Variants in RANBP2 observed in about 807,000 individuals in gnomAD.
RANBP2 encodes E3 SUMO-protein ligase RanBP2.
A neutral mutation model predicts 303.6 loss-of-function variants in RANBP2; 57 were observed. The ratio of observed to expected loss-of-function variants is 0.19; its 90% CI spans 0.15 to 0.23. The LOEUF (loss-of-function observed/expected upper bound fraction) is 0.23. Among genes scored for constraint, RANBP2 ranks in the 10% least tolerant of loss-of-function variants. The pLI, the probability that RANBP2 is intolerant of heterozygous loss-of-function variation, is 1.00. For missense variants in RANBP2, 3,138 were observed against 3,780.8 expected (o/e 0.83, Z 4.46); for synonymous variants, 1,167 against 1,301.5 (o/e 0.90, Z 2.23).
chr2:109,435,518 T>C, the RANBP2 span, among the ~76,000 whole-genome samples: 3 of 152,222 alleles, frequency 2.0e-5, no homozygotes, highest in African/African-American at 7.2e-5. Flanking sequence ...GGGAGTATAG[T>C]GCTCAGAGCT....
At chr2:109,473,397 G>A in the RANBP2 span, among the ~76,000 whole-genome samples, 1 of 152,114 alleles carries the variant, frequency 6.6e-6, no homozygotes. Flanking sequence ...GCCCCCATCA[G>A]CATTTGGCAC....
the RANBP2 span, among the ~76,000 whole-genome samples, chr2:109,470,162 G>A: frequency 2.0e-5 from 3 of 152,108 alleles, no homozygotes; most frequent in East Asian, 5.8e-4. Context: ...TGGCTGGGGT[G>A]GCCCTGTCTC....
At chr2:109,127,686 A>T in the RANBP2 span, 1 of 152,202 alleles carries the variant, frequency 6.6e-6, no homozygotes, top group African/African-American at 2.4e-5. Flanking sequence ...CGCTACAAAA[A>T]ATTTAAATTA....
chr2:109,231,565 C>T, the RANBP2 span, among the ~76,000 whole-genome samples: 1 of 152,172 alleles, frequency 6.6e-6, no homozygotes, highest in Non-Finnish European at 1.5e-5. Context: ...TGCTGTATTT[C>T]TTTATTCCAT....
At chr2:109,336,372 TAGAAC>T in the RANBP2 span, among the ~76,000 whole-genome samples, 3 of 152,200 alleles carry the variant, frequency 2.0e-5, no homozygotes, top group Non-Finnish European at 4.4e-5. Flanking sequence ...TTCTCACAGA[TAGAAC>T]AGAAAATAAC....
chr2:108,790,790 GC>G (rs1679782562), downstream of RANBP2, among the ~76,000 whole-genome samples: 1 of 152,150 alleles, frequency 6.6e-6, no homozygotes, highest in Non-Finnish European at 1.5e-5. Flanking sequence ...CGAGCCTGTT[GC>G]CCAGGCTGTG....
chr2:109,588,461 T>C, the RANBP2 span, among the ~76,000 whole-genome samples: 37 of 152,242 alleles, frequency 2.4e-4, no homozygotes, highest in Non-Finnish European at 4.3e-4. Context: ...GGAATATTGT[T>C]ATAAGGTTTC....
At chr2:109,008,191 T>C in the RANBP2 span, among the ~76,000 whole-genome samples, 124 of 152,192 alleles carry the variant, frequency 8.1e-4, no homozygotes, top group Non-Finnish European at 2.1e-4. Context: ...TCCTGTGTTA[T>C]AGTTACCTAT....
the RANBP2 span, among the ~76,000 whole-genome samples, chr2:109,046,643 G>A: frequency 6.6e-6 from 1 of 152,032 alleles, no homozygotes; most frequent in African/African-American, 2.4e-5. Flanking sequence ...GCCTCCCAAA[G>A]TGCTGGGATT....
At chr2:109,169,345 C>G in the RANBP2 span, among the ~76,000 whole-genome samples, 1 of 47,960 alleles carries the variant, frequency 2.1e-5, no homozygotes, top group Non-Finnish European at 4.6e-5. Context: ...AATTTCTGAG[C>G]CCACCAAGTT....
the RANBP2 span, among the ~76,000 whole-genome samples, chr2:109,389,651 T>G: frequency 6.6e-6 from 1 of 152,352 alleles, no homozygotes; most frequent in Non-Finnish European, 1.5e-5. Context: ...TTACTGAAAT[T>G]TTAACTTGTT....
chr2:109,431,662 A>G, the RANBP2 span, among the ~76,000 whole-genome samples: 1 of 152,208 alleles, frequency 6.6e-6, no homozygotes, highest in Non-Finnish European at 1.5e-5. Context: ...GCTTGAGACT[A>G]GGAGCTCAAG....
the RANBP2 span, among the ~76,000 whole-genome samples, chr2:108,827,239 T>C: frequency 6.6e-6 from 1 of 152,196 alleles, no homozygotes; most frequent in African/African-American, 2.4e-5. Context: ...CAAAAAATTA[T>C]TAGAACTCAT....
chr2:109,625,087 C>CAAAAAA, the RANBP2 span, among the ~76,000 whole-genome samples: 397 of 59,200 alleles, frequency 6.7e-3, no homozygotes, highest in Admixed American at 8.3e-3. Flanking sequence ...ACAACAACAA[C>CAAAAAA]AAAAAAAAAA....
the RANBP2 span, among the ~76,000 whole-genome samples, chr2:109,655,901 T>A: frequency 6.6e-6 from 1 of 152,330 alleles, no homozygotes; most frequent in African/African-American, 2.4e-5. Flanking sequence ...ATTATCAATC[T>A]GGCCCTGGGC....
At chr2:109,034,270 C>CAAAAAAAAAAAA in the RANBP2 span, among the ~76,000 whole-genome samples, 1 of 38,094 alleles carries the variant, frequency 2.6e-5, no homozygotes. Context: ...GACTCCATCT[C>CAAAAAAAAAAAA]AAAAAAAAAA....
At chr2:109,440,254 G>A in the RANBP2 span, among the ~76,000 whole-genome samples, 1 of 152,218 alleles carries the variant, frequency 6.6e-6, no homozygotes, top group African/African-American at 2.4e-5. Flanking sequence ...TCAGCATGCA[G>A]CAGTAGGAGA....
chr2:109,645,376 C>T, the RANBP2 span, among the ~76,000 whole-genome samples: 1 of 152,190 alleles, frequency 6.6e-6, no homozygotes, highest in African/African-American at 2.4e-5. Flanking sequence ...TGGCCAAATC[C>T]CTGATGAGAG....
At chr2:108,740,451 T>G (rs1018886885) in intron 6 of RANBP2, 38 bp from the exon 7 acceptor site, 2 of 1,597,140 alleles carry the variant, frequency 1.3e-6, no homozygotes, top group Admixed American at 1.7e-5. Flanking sequence ...CACAGTGCAG[T>G]AAGTGTGTAT....
Sources: allele counts gnomAD v4.1 joint callset (sites outside exome capture counted in the v4.1 genomes callset), GRCh38; gene constraint gnomAD v4.1.1; transcripts MANE v1.5; gene names NCBI Gene and HGNC (gene_info 2026-07-23, HGNC 2026-07-21).